The following CCNJL variants were observed in gnomAD, a reference collection of about 807,000 sequenced individuals.
CCNJL encodes cyclin-J-like protein.
CCNJL carries 33 observed loss-of-function variants against 33.4 expected under a neutral mutation model. The observed-to-expected ratio is 0.99, with a 90% CI of 0.75 to 1.32. The LOEUF is 1.32. Ranked by LOEUF, CCNJL falls within the 40% of genes most tolerant of loss-of-function variation. CCNJL has a pLI of 0.00. For synonymous variants in CCNJL, 227 were observed against 220.9 expected, an observed-to-expected ratio of 1.03 and a Z score of -0.24; for missense variants, 512 against 499.7, an observed-to-expected ratio of 1.02 and a Z score of -0.23.
At chr5:160,301,004 G>A (rs1428862595) in intron 2 of CCNJL, among the ~76,000 whole-genome samples, 1 of 152,156 alleles carries the variant, frequency 6.6e-6, no homozygotes, top group African/African-American at 2.4e-5. Context: ...TGATATGCAA[G>A]GTTCTTAAAA....
chr5:160,315,341 AC>A (rs1763369401), upstream of CCNJL: 3 of 230,960 alleles, frequency 1.3e-5, no homozygotes, highest in Non-Finnish European at 1.9e-5. Context: ...ACACACACAC[AC>A]ACACACACAC....
intron 3 of CCNJL, among the ~76,000 whole-genome samples, chr5:160,267,598 A>G (rs1761654872): frequency 6.6e-6 from 1 of 152,196 alleles, no homozygotes; most frequent in Non-Finnish European, 1.5e-5. Flanking sequence ...CTGCAATCCT[A>G]TAAGCTCCAT....
rs1368261544 is a variant in CCNJL, at chr5:160,253,449, G to A, written c.1093C>T (p.Leu365Phe). 1 of 1,612,354 alleles carries A rather than the reference G, an allele frequency of 6.2e-7. No individual in the cohort carries two copies. The highest frequency in any genetic ancestry group is 2.2e-5 in the East Asian group (1 of 44,848). ...MAIAAEPRHC[L>F]ATTYGSSYFS... ...TAGCTGCTTCCATAGGTGGTGGCGA[G>A]GCAGTGCCTGGGCTCAGCTGCAATG... Residue 365 changes from leucine to phenylalanine, a missense_variant, in exon 6 of 6, where the codon CTC becomes TTC. Leu to Phe is a conservative substitution (Grantham distance 22). Transcript: ENST00000257536.
intron 3 of CCNJL, among the ~76,000 whole-genome samples, chr5:160,268,704 T>G (rs1761709326): frequency 6.6e-6 from 1 of 152,208 alleles, no homozygotes; most frequent in African/African-American, 2.4e-5. Flanking sequence ...CTTAAGGACC[T>G]GCTGTAGCTG....
Position 160,323,686 on chromosome 5 carries a change from T to TA in CCNJL, n.207-8182dup, listed in dbSNP as rs554716795. Reference sequence around the variant, plus strand: ...TTGACTGGGCCAGGGGGTGCCCACATAATTAGTTAAACGCTGATCTGGGTA... The same window carrying TA: ...TTGACTGGGCCAGGGGGTGCCCACATAAATTAGTTAAACGCTGATCTGGGTA... On this transcript the variant is annotated intron_variant and non_coding_transcript_variant, in intron 1 of 7. Transcript: ENST00000377503. Among the ~76,000 whole-genome samples the TA allele has an allele frequency of 4.7e-3, 721 of 152,316 alleles. 9 individuals carry two copies. Among genetic ancestry groups the TA allele is most frequent in the African/African-American group, 0.016 (661 of 41,576 alleles).
chr5:160,291,036 T>TAAAAAAAAAAA (rs1177369719), intron 2 of CCNJL, among the ~76,000 whole-genome samples: 7 of 57,528 alleles, frequency 1.2e-4, no homozygotes, highest in African/African-American at 1.7e-4. Flanking sequence ...CGTCTTTACT[T>TAAAAAAAAAAA]AAAAAAAAAA....
chr5:160,298,369 A>G (rs1180373923), intron 2 of CCNJL, among the ~76,000 whole-genome samples: 2 of 152,064 alleles, frequency 1.3e-5, no homozygotes, highest in Non-Finnish European at 2.9e-5. Flanking sequence ...AAAAAAAAAA[A>G]AGACAGTTTC....
intron 1 of CCNJL, among the ~76,000 whole-genome samples, chr5:160,326,106 T>G (rs1763532774): frequency 1.3e-5 from 2 of 152,336 alleles, no homozygotes; most frequent in South Asian, 4.1e-4. Flanking sequence ...TTATCCTGTC[T>G]TCCAAGGCCT....
upstream of CCNJL, chr5:160,313,032 T>C (rs1479992668): frequency 6.6e-6 from 1 of 151,986 alleles, no homozygotes. Context: ...ACAATTCCAG[T>C]GAAAGCTGCA....
chr5:160,270,869 G>C (rs191442656), intron 3 of CCNJL, among the ~76,000 whole-genome samples: 1 of 152,162 alleles, frequency 6.6e-6, no homozygotes, highest in African/African-American at 2.4e-5. Context: ...GAACATTCCA[G>C]AACGTAGGTC....
intron 3 of CCNJL, among the ~76,000 whole-genome samples, chr5:160,277,836 C>T (rs1377427473): frequency 6.7e-6 from 1 of 149,888 alleles, no homozygotes; most frequent in East Asian, 2.0e-4. Context: ...ACCTCCCTGT[C>T]CTGGGTTCAA....
chr5:160,335,859 C>T (rs575027600), intron 1 of CCNJL, among the ~76,000 whole-genome samples: 2 of 151,390 alleles, frequency 1.3e-5, no homozygotes, highest in Non-Finnish European at 2.9e-5. Flanking sequence ...GCTAGAATTA[C>T]AGGCATGAGA....
intron 2 of CCNJL, among the ~76,000 whole-genome samples, chr5:160,307,203 G>A (rs72812290): frequency 0.063 from 9,618 of 152,310 alleles, 421 homozygotes; most frequent in Non-Finnish European, 0.093. Context: ...TGAGGTGGGG[G>A]ACACCCTGAG....
Position 160,280,910 on chromosome 5 carries a change from C to G in CCNJL, c.67-172G>C, listed in dbSNP as rs182372982. The stretch of plus-strand genomic sequence containing the variant: ...CAGCCCCGCCTGGGCTATCTCCCAT[C>G]TGCTTTCACTAAGCACAGGCTCATA... On this transcript the variant is annotated intron_variant, in intron 2 of 5. Transcript: ENST00000257536. The G allele has an allele frequency of 2.7e-4, 191 of 700,058 alleles. No individual in the cohort carries two copies. The African/African-American group carries it at 2.8e-3, about 10-fold the overall frequency. 43.4% of individuals were successfully genotyped at this position (700,058 alleles called of 1,614,324 possible). A position where few individuals can be genotyped will look rare whatever the true frequency, so the allele number is the denominator to read the frequency against.
In CCNJL at chr5:160,338,894, G is replaced by A. The variant is rs527460084; in HGVS notation, n.206+551C>T. 4.3e-3 allele frequency among the ~76,000 whole-genome samples: 654 copies of A among 152,098 alleles called. 4 individuals are homozygous for A. The highest frequency in any genetic ancestry group is 0.015 in the African/African-American group (627 of 41,500). ...GCCACTTCTACCTCCGGGTCCAAGC[G>A]ATTCTCCTGCCTCAGCCTCCTGAGC... On this transcript the variant is annotated intron_variant and non_coding_transcript_variant, in intron 1 of 7. Coordinates refer to the CCNJL transcript ENST00000377503.
chr5:160,264,500 G>C (rs755867402), intron 3 of CCNJL, among the ~76,000 whole-genome samples: 12 of 151,946 alleles, frequency 7.9e-5, no homozygotes, highest in Non-Finnish European at 1.5e-4. Context: ...CCACAGATGA[G>C]GCCGTGGTGG....
At chr5:160,330,515 T>G (rs1194193319) in intron 1 of CCNJL, among the ~76,000 whole-genome samples, 3 of 152,094 alleles carry the variant, frequency 2.0e-5, no homozygotes, top group African/African-American at 7.2e-5. Context: ...TCACTGCCAT[T>G]CTCTTCTCCA....
upstream of CCNJL, among the ~76,000 whole-genome samples, chr5:160,313,550 A>G (rs1344860491): frequency 6.6e-6 from 1 of 152,250 alleles, no homozygotes; most frequent in Non-Finnish European, 1.5e-5. Context: ...CCTGGGAAAA[A>G]AAAATTAAAT....
chr5:160,305,640 CCT>C (rs545708354), intron 2 of CCNJL, among the ~76,000 whole-genome samples: 11 of 152,190 alleles, frequency 7.2e-5, no homozygotes, highest in Non-Finnish European at 1.3e-4. Flanking sequence ...TCAATTTTCC[CCT>C]GCTTTGTATT....
Sources: allele counts gnomAD v4.1 joint callset (sites outside exome capture counted in the v4.1 genomes callset), GRCh38; gene constraint gnomAD v4.1.1; transcripts MANE v1.5; gene names NCBI Gene and HGNC (gene_info 2026-07-23, HGNC 2026-07-21).